RICTOR: variants seen among roughly 807,000 people sequenced by gnomAD.
RICTOR encodes the protein RPTOR independent companion of MTOR complex 2.
RICTOR carries 49 observed loss-of-function variants against 214.9 expected under a neutral mutation model. That is an observed-to-expected ratio of 0.23 (90% CI 0.18 to 0.29). The LOEUF is 0.29. Among genes scored for constraint, RICTOR ranks in the 10% least tolerant of loss-of-function variants. RICTOR has a pLI of 1.00. For synonymous variants in RICTOR, 717 were observed against 711.3 expected, an observed-to-expected ratio of 1.01 and a Z score of -0.13; for missense variants, 1,625 against 2,047.0, an observed-to-expected ratio of 0.79 and a Z score of 3.98.
intron 27 of RICTOR, among the ~76,000 whole-genome samples, chr5:38,954,305 T>C (rs1404018264): frequency 6.6e-6 from 1 of 151,980 alleles, no homozygotes; most frequent in East Asian, 1.9e-4. Context: ...TGCTTGCCTA[T>C]GCTTGTTAAC....
At chr5:39,073,659 C>G (rs1213856600) in intron 2 of RICTOR, among the ~76,000 whole-genome samples, 1 of 152,206 alleles carries the variant, frequency 6.6e-6, no homozygotes, top group Non-Finnish European at 1.5e-5. Flanking sequence ...AAGCACCGAG[C>G]AGGTCCGGCT....
chr5:39,074,012 G>C, intron 2 of RICTOR, 99 bp downstream of exon 2: 1 of 836,770 alleles, frequency 1.2e-6, no homozygotes, highest in Non-Finnish European at 1.6e-6. Flanking sequence ...GCACCCCGCC[G>C]GTCCCGTGCG....
chr5:39,009,492 C>T (rs9292728), intron 3 of RICTOR, among the ~76,000 whole-genome samples: 2,011 of 152,088 alleles, frequency 0.013, 45 homozygotes, highest in African/African-American at 0.045. Context: ...CAGCTGGAAA[C>T]TGGAAAATCA....
intron 3 of RICTOR, among the ~76,000 whole-genome samples, chr5:39,007,947 G>C (rs1043868306): frequency 6.6e-6 from 1 of 150,930 alleles, no homozygotes; most frequent in Non-Finnish European, 1.5e-5. Flanking sequence ...CTAGGATCAA[G>C]ATCCACTTTT....
intron 1 of RICTOR, 75 bp downstream of exon 1, chr5:39,074,254 C>T: frequency 1.3e-6 from 2 of 1,583,762 alleles, no homozygotes; most frequent in East Asian, 4.7e-5. Flanking sequence ...GCTCCCCAAC[C>T]CAGGGCCAGG....
chr5:38,947,530 A>G, intron 31 of RICTOR, 89 bp from the exon 32 acceptor site: 1 of 922,954 alleles, frequency 1.1e-6, no homozygotes, highest in Non-Finnish European at 1.7e-6. Context: ...CTACCTTCAT[A>G]AAAGACAAGT....
chr5:38,959,288 A>T lies in RICTOR; in HGVS notation c.2085T>A (p.Asp695Glu), dbSNP rs1561459699. Reference sequence around the variant, plus strand: ...TAGAAACAGTAAGTTTTAGCAAGTGATCTTGGTTTTTCAAGGAGCAAAGAT... The same window carrying T: ...TAGAAACAGTAAGTTTTAGCAAGTGTTCTTGGTTTTTCAAGGAGCAAAGAT... ...LLNLCSLKNQ[D>E]HLLKLTVSSL... The change falls in exon 22 of 38, where the codon GAT (aspartate) becomes GAA (glutamate). Residue 695 changes from aspartate to glutamate, a missense_variant. Coordinates refer to ENST00000357387, the MANE Select transcript of RICTOR (RefSeq NM_152756.5). 1 of 1,586,846 alleles carries T rather than the reference A, an allele frequency of 6.3e-7. No homozygotes were observed.
intron 3 of RICTOR, among the ~76,000 whole-genome samples, chr5:39,018,202 G>C (rs1755113375): frequency 6.6e-6 from 1 of 152,050 alleles, no homozygotes; most frequent in Non-Finnish European, 1.5e-5. Context: ...AGAATTCTGG[G>C]CTGCTACTAG....
intron 2 of RICTOR, among the ~76,000 whole-genome samples, chr5:39,062,232 A>G (rs771305838): frequency 2.6e-5 from 4 of 152,120 alleles, no homozygotes; most frequent in Non-Finnish European, 4.4e-5. Context: ...AGATATGATT[A>G]AAAACTTATA....
intron 30 of RICTOR, 108 bp from the exon 31 acceptor site, chr5:38,950,828 A>T (rs1748715842): frequency 4.9e-6 from 4 of 819,956 alleles, no homozygotes; most frequent in South Asian, 4.5e-5. Flanking sequence ...TCTAGAGGAA[A>T]AAATTTAAAA....
In RICTOR at chr5:39,073,034, A is replaced by G. The variant is rs547710100; in HGVS notation, c.97+1077T>C. On this transcript the variant is annotated intron_variant, in intron 2 of 37. Coordinates refer to ENST00000357387, the MANE Select transcript of RICTOR (RefSeq NM_152756.5). ...GCTTTCACTCTAGCCGTTGTCAACAAGGAGCCCAGCTTTAACAAATTACTG... is the reference window on the plus strand; with the variant it reads ...GCTTTCACTCTAGCCGTTGTCAACAGGGAGCCCAGCTTTAACAAATTACTG... Among the ~76,000 whole-genome samples the G allele has an allele frequency of 3.3e-5, 5 of 152,276 alleles. No homozygotes were observed. In the South Asian group the frequency reaches 1.0e-3, roughly 31 times the overall value.
At chr5:39,036,364 G>A (rs2150159592) in intron 2 of RICTOR, among the ~76,000 whole-genome samples, 1 of 152,260 alleles carries the variant, frequency 6.6e-6, no homozygotes, top group African/African-American at 2.4e-5. Context: ...GCAAAAACAT[G>A]CCAAATTGTA....
intron 7 of RICTOR, among the ~76,000 whole-genome samples, chr5:38,985,546 A>G (rs772833863): frequency 1.4e-4 from 21 of 152,252 alleles, no homozygotes; most frequent in Non-Finnish European, 2.6e-4. Context: ...TCCTTATAGT[A>G]ATATCTATAG....
intron 3 of RICTOR, among the ~76,000 whole-genome samples, chr5:39,006,274 T>C (rs538035934): frequency 6.8e-4 from 103 of 152,228 alleles, no homozygotes; most frequent in Non-Finnish European, 1.4e-3. Flanking sequence ...CAGGTTTTCC[T>C]AGTTTTCATT....
chr5:38,984,448 T>A (rs1038028144), intron 7 of RICTOR, among the ~76,000 whole-genome samples: 1 of 152,236 alleles, frequency 6.6e-6, no homozygotes, highest in South Asian at 2.1e-4. Flanking sequence ...TTCACTCACT[T>A]ATTTTTTGCT....
intron 2 of RICTOR, among the ~76,000 whole-genome samples, chr5:39,071,606 C>G (rs1417406643): frequency 6.6e-6 from 1 of 152,166 alleles, no homozygotes; most frequent in African/African-American, 2.4e-5. Context: ...AGGGGTAAAG[C>G]AAGGTCAAAT....
Position 38,955,702 on chromosome 5 carries a change from T to G in RICTOR, c.2502A>C (p.Glu834Asp). Residue 834 changes from glutamate (E) to aspartate (D), a missense_variant and splice_region_variant, in exon 26 of 38, where the codon GAA becomes GAC. Around this residue, in one of 5 missense-constraint regions of RICTOR, gnomAD observed 1,214 missense variants for 1,470.5 expected, o/e 0.83. Coordinates refer to ENST00000357387, the MANE Select transcript of RICTOR (RefSeq NM_152756.5). ...TCAAGTCAACATATTTGGAGTTGTATTCCTAGAGGATAATATTGTTTTAAT... is the reference window on the plus strand; with the variant it reads ...TCAAGTCAACATATTTGGAGTTGTAGTCCTAGAGGATAATATTGTTTTAAT... ...VAKQLEKWHR[E>D]YNSKYVDLIE... 6.6e-7 allele frequency: 1 copy of G among 1,507,732 alleles called. No homozygotes were observed. 93.4% of individuals were successfully genotyped at this position (1,507,732 alleles called of 1,614,324 possible). A position where few individuals can be genotyped will look rare whatever the true frequency, so the allele number is the denominator to read the frequency against.
At chr5:39,063,403 T>C (rs1277452051) in intron 2 of RICTOR, among the ~76,000 whole-genome samples, 1 of 152,192 alleles carries the variant, frequency 6.6e-6, no homozygotes. Flanking sequence ...CTTGAAATAC[T>C]AAATAATGTA....
At chr5:38,962,798 T>C in intron 17 of RICTOR, 78 bp downstream of exon 17, 5 of 1,219,824 alleles carry the variant, frequency 4.1e-6, no homozygotes, top group Non-Finnish European at 1.2e-6. Flanking sequence ...TAAACTCAAA[T>C]ACATGCATAC....
Sources: allele counts gnomAD v4.1 joint callset (sites outside exome capture counted in the v4.1 genomes callset), GRCh38; gene constraint gnomAD v4.1.1; regional missense constraint gnomAD v4.1.1; transcripts MANE v1.5; gene names NCBI Gene and HGNC (gene_info 2026-07-23, HGNC 2026-07-21).